Variants in RPS6KB1 observed in about 807,000 individuals in gnomAD.
RPS6KB1 encodes ribosomal protein S6 kinase beta-1.
Under a neutral mutation model 70.2 loss-of-function variants are expected in RPS6KB1, and 12 were observed. That is an observed-to-expected ratio of 0.17 (90% CI 0.11 to 0.28). RPS6KB1 has a LOEUF of 0.28. Among genes scored for constraint, RPS6KB1 ranks in the 10% least tolerant of loss-of-function variants. RPS6KB1 has a pLI of 1.00. For missense variants in RPS6KB1, 270 were observed against 646.6 expected (o/e 0.42, Z 6.32); for synonymous variants, 175 against 211.2 (o/e 0.83, Z 1.49).
chr17:59,928,229 C>T (rs902018526), intron 5 of RPS6KB1, among the ~76,000 whole-genome samples: 1 of 152,014 alleles, frequency 6.6e-6, no homozygotes, highest in Non-Finnish European at 1.5e-5. Context: ...GTTACCATTT[C>T]ACCACATTTA....
intron 1 of RPS6KB1, among the ~76,000 whole-genome samples, chr17:59,899,934 G>A (rs2041807314): frequency 6.6e-6 from 1 of 151,956 alleles, no homozygotes; most frequent in African/African-American, 2.4e-5. Context: ...GGAAGCTAAG[G>A]TGGAAGGATC....
chr17:59,933,430 T>C (rs2044061137), intron 7 of RPS6KB1, among the ~76,000 whole-genome samples: 1 of 152,188 alleles, frequency 6.6e-6, no homozygotes, highest in African/African-American at 2.4e-5. Context: ...ACTTCTTCTG[T>C]ATCAGAGTGT....
chr17:59,940,476 T>TG (rs1403174146), intron 12 of RPS6KB1, among the ~76,000 whole-genome samples: 8 of 151,742 alleles, frequency 5.3e-5, no homozygotes, highest in Admixed American at 4.6e-4. Flanking sequence ...TTAGTAGAGA[T>TG]GGGGTTTCAC....
intron 7 of RPS6KB1, among the ~76,000 whole-genome samples, chr17:59,933,898 A>G (rs999494434): frequency 7.2e-5 from 11 of 152,192 alleles, no homozygotes; most frequent in Non-Finnish European, 1.2e-4. Context: ...ATATACTTAA[A>G]GCTAGAGCCT....
intron 1 of RPS6KB1, among the ~76,000 whole-genome samples, chr17:59,908,714 G>GTTCACGCC (rs1318212676): frequency 7.1e-6 from 1 of 141,742 alleles, no homozygotes; most frequent in African/African-American, 2.7e-5. Flanking sequence ...CGCCTCCCGG[G>GTTCACGCC]TTCACGCCAT....
At chr17:59,944,686 T>TGGTCTGATTATAAGAAACTGTTTTA (rs1370987751) in intron 13 of RPS6KB1, among the ~76,000 whole-genome samples, 2 of 152,228 alleles carry the variant, frequency 1.3e-5, no homozygotes, top group African/African-American at 4.8e-5. Context: ...GTTTTTACTT[T>TGGTCTGATTATAAGAAACTGTTTTA]GGTCTGATTA....
chr17:59,908,613 AT>A (rs546677930), intron 1 of RPS6KB1, among the ~76,000 whole-genome samples: 1,769 of 106,174 alleles, frequency 0.017, 1 homozygote, highest in Non-Finnish European at 0.025. Flanking sequence ...TGTAAAAAAA[AT>A]TTTTTTTTTT....
At chr17:59,902,621 A>C (rs1263708669) in intron 1 of RPS6KB1, among the ~76,000 whole-genome samples, 2 of 143,402 alleles carry the variant, frequency 1.4e-5, no homozygotes, top group Non-Finnish European at 3.0e-5. Flanking sequence ...TCCGTTGCCC[A>C]TGCTGTAGTG....
chr17:59,935,012 T>C, intron 9 of RPS6KB1, 181 bp from the exon 10 acceptor site: 1 of 519,032 alleles, frequency 1.9e-6, no homozygotes, highest in Non-Finnish European at 3.5e-6. Flanking sequence ...GACAACATAG[T>C]TGAGACCCTG....
intron 12 of RPS6KB1, among the ~76,000 whole-genome samples, chr17:59,937,006 C>G (rs1479814389): frequency 6.6e-6 from 1 of 152,092 alleles, no homozygotes; most frequent in African/African-American, 2.4e-5. Context: ...ACTACAGACA[C>G]GTGTCACCAT....
At chr17:59,901,845 G>A (rs1251160426) in intron 1 of RPS6KB1, among the ~76,000 whole-genome samples, 2 of 150,960 alleles carry the variant, frequency 1.3e-5, no homozygotes, top group African/African-American at 2.4e-5. Context: ...AGTGAGACCC[G>A]TGTCTCTACG....
intron 5 of RPS6KB1, 31 bp from the exon 6 acceptor site, chr17:59,930,082 GTTTT>G: frequency 9.4e-7 from 1 of 1,067,170 alleles, no homozygotes; most frequent in South Asian, 1.3e-5. Flanking sequence ...AATAAATATT[GTTTT>G]ATTTATAATG....
chr17:59,897,543 G>C (rs964160046), intron 1 of RPS6KB1, among the ~76,000 whole-genome samples: 3 of 151,986 alleles, frequency 2.0e-5, no homozygotes, highest in African/African-American at 7.3e-5. Context: ...GCCTTTCAAG[G>C]TACGTTACAG....
intron 1 of RPS6KB1, among the ~76,000 whole-genome samples, chr17:59,899,672 C>T (rs932180908): frequency 2.0e-5 from 3 of 152,164 alleles, no homozygotes; most frequent in African/African-American, 7.2e-5. Flanking sequence ...ATATCCCACA[C>T]ATAAAAGAAA....
chr17:59,910,453 G>A (rs2042566955), intron 1 of RPS6KB1, 109 bp from the exon 2 acceptor site: 1 of 655,036 alleles, frequency 1.5e-6, no homozygotes, highest in African/African-American at 1.8e-5. Context: ...TAAGAGAATT[G>A]TTAGGCTGGT....
At chr17:59,894,425 G>A (rs1293895509) in intron 1 of RPS6KB1, among the ~76,000 whole-genome samples, 2 of 152,118 alleles carry the variant, frequency 1.3e-5, no homozygotes, top group Non-Finnish European at 2.9e-5. Context: ...TGAATACATG[G>A]GTTAATGACG....
intron 4 of RPS6KB1, among the ~76,000 whole-genome samples, chr17:59,918,070 A>G (rs574640215): frequency 6.6e-6 from 1 of 152,072 alleles, no homozygotes; most frequent in African/African-American, 2.4e-5. Context: ...AGTAGCTGGG[A>G]TTACAGGCAT....
chr17:59,893,431 G>A lies in RPS6KB1; in HGVS notation c.141+106G>A. ...AGCGTGGAGACCCAGGGGGGCTCCTGAGGAGCTGAGGGTCGCGCGGCCTGA... is the reference window on the plus strand; with the variant it reads ...AGCGTGGAGACCCAGGGGGGCTCCTAAGGAGCTGAGGGTCGCGCGGCCTGA... On this transcript the variant is annotated intron_variant, in intron 1 of 14. Coordinates refer to ENST00000225577, the MANE Select transcript of RPS6KB1 (RefSeq NM_003161.4). This position sits in a 1 kb window ranked among gnomAD's most constrained non-coding sequence, Gnocchi z 4.1. 8.5e-7 allele frequency: 1 copy of A among 1,175,302 alleles called. No homozygotes were observed. The highest frequency in any genetic ancestry group is 1.2e-6 in the Non-Finnish European group (1 of 834,406). The allele number at this position is 1,175,302 out of a possible 1,614,324, so 72.8% of individuals were successfully genotyped here. A position where few individuals can be genotyped will look rare whatever the true frequency, so the allele number is the denominator to read the frequency against.
At chr17:59,900,230 A>ACACACACACACACACC (rs1355022894) in intron 1 of RPS6KB1, among the ~76,000 whole-genome samples, 5 of 136,736 alleles carry the variant, frequency 3.7e-5, no homozygotes, top group South Asian at 2.4e-4. Flanking sequence ...ACACACACAC[A>ACACACACACACACACC]CCCCTATGTG....
Sources: gnomAD v4.1 joint callset for allele counts (sites outside exome capture counted in the v4.1 genomes callset) on GRCh38, gnomAD v4.1.1 for gene constraint, Gnocchi (gnomAD v3.1) non-coding constraint, MANE v1.5 for transcripts, NCBI Gene and HGNC (gene_info 2026-07-23, HGNC 2026-07-21) for gene names.